Variants in CREB5 observed in about 807,000 individuals in gnomAD.
CREB5 encodes cAMP responsive element binding protein 5, also known as cyclic AMP-responsive element-binding protein 5.
A neutral mutation model predicts 57.1 loss-of-function variants in CREB5; 19 were observed. The ratio of observed to expected loss-of-function variants is 0.33; its 90% CI spans 0.23 to 0.49. The LOEUF is 0.49. Ranked by LOEUF, CREB5 falls within the 20% of genes least tolerant of loss-of-function variation. The pLI, the probability that CREB5 is intolerant of heterozygous loss-of-function variation, is 0.99. For synonymous variants in CREB5, 238 were observed against 238.3 expected, an observed-to-expected ratio of 1.00 and a Z score of 0.01; for missense variants, 579 against 671.6, an observed-to-expected ratio of 0.86 and a Z score of 1.52.
intron 5 of CREB5, among the ~76,000 whole-genome samples, chr7:28,682,644 A>G (rs1943168938): frequency 1.4e-5 from 2 of 147,064 alleles, no homozygotes; most frequent in African/African-American, 2.6e-5. Flanking sequence ...AGAAGATGAT[A>G]TACTTTTCCT....
intron 5 of CREB5, among the ~76,000 whole-genome samples, chr7:28,598,440 T>C (rs1796773562): frequency 6.6e-6 from 1 of 152,154 alleles, no homozygotes; most frequent in Admixed American, 6.6e-5. Flanking sequence ...GGAGGGTCTT[T>C]TGTGTGTGGT....
chr7:28,367,058 A>C (rs1274319021), intron 1 of CREB5, among the ~76,000 whole-genome samples: 9 of 152,146 alleles, frequency 5.9e-5, no homozygotes, highest in Admixed American at 5.9e-4. Flanking sequence ...AATTTTCGGC[A>C]TACTCTTAAG....
At chr7:28,581,057 T>C (rs1396148739) in intron 5 of CREB5, among the ~76,000 whole-genome samples, 1 of 152,120 alleles carries the variant, frequency 6.6e-6, no homozygotes, top group Admixed American at 6.5e-5. Flanking sequence ...GAAAAATGAA[T>C]AACAAGATGG....
rs1793289430 is a variant in CREB5 at position 28,523,285 on chromosome 7, T to C, written c.291+15548T>C. On this transcript the variant is annotated intron_variant, in intron 4 of 10. Transcript: ENST00000357727. ...TGTATTAATTTGTTTAAATGTTGGC[T>C]CTTAAAGGAAACTGCCACACACCCT... 3.9e-5 allele frequency among the ~76,000 whole-genome samples: 6 copies of C among 152,268 alleles called. No homozygotes were observed. In the South Asian group the frequency reaches 1.2e-3, roughly 32 times the overall value.
intron 6 of CREB5, among the ~76,000 whole-genome samples, chr7:28,721,592 A>T (rs576205075): frequency 6.6e-6 from 1 of 152,310 alleles, no homozygotes; most frequent in African/African-American, 2.4e-5. Context: ...CTGATTTGTA[A>T]TGCATGCTGC....
chr7:28,437,058 G>A (rs1562715350), intron 1 of CREB5, among the ~76,000 whole-genome samples: 1 of 152,124 alleles, frequency 6.6e-6, no homozygotes, highest in Non-Finnish European at 1.5e-5. Flanking sequence ...CACTTTGACT[G>A]CATCCCTTAG....
chr7:28,751,630 C>T (rs912580762), intron 7 of CREB5, among the ~76,000 whole-genome samples: 1 of 152,132 alleles, frequency 6.6e-6, no homozygotes, highest in Admixed American at 6.5e-5. Flanking sequence ...CAATTTTAAA[C>T]TAATGGAAAA....
intron 1 of CREB5, among the ~76,000 whole-genome samples, chr7:28,309,998 G>A (rs1224161945): frequency 6.6e-6 from 1 of 152,210 alleles, no homozygotes; most frequent in Non-Finnish European, 1.5e-5. Flanking sequence ...CTTTCTACTG[G>A]AGGAGGGATG....
At chr7:28,502,698 A>G (rs1246503068) in intron 3 of CREB5, among the ~76,000 whole-genome samples, 1 of 152,222 alleles carries the variant, frequency 6.6e-6, no homozygotes, top group East Asian at 1.9e-4. Context: ...TTATTTTCAC[A>G]GTCCTTTAGT....
rs796436067 is a variant in CREB5, at chr7:28,518,913, A to T, written c.291+11176A>T. On this transcript the variant is annotated intron_variant, in intron 4 of 10. Transcript: ENST00000357727. ...CATGACTTTATTTTCTCACTGGTAA[A>T]ATGGGCCTTTTGACAACTTTGAAGT... 6.6e-5 allele frequency among the ~76,000 whole-genome samples: 10 copies of T among 152,290 alleles called. 1 individual carries two copies. The highest frequency in any genetic ancestry group is 2.4e-4 in the African/African-American group (10 of 41,558).
chr7:28,604,060 T>C (rs1412935127), intron 5 of CREB5, among the ~76,000 whole-genome samples: 1 of 152,184 alleles, frequency 6.6e-6, no homozygotes, highest in Non-Finnish European at 1.5e-5. Context: ...CATGTGCATC[T>C]TCTAGTTTTT....
chr7:28,781,628 CAAG>C (rs1806977539), intron 7 of CREB5, among the ~76,000 whole-genome samples: 1 of 152,154 alleles, frequency 6.6e-6, no homozygotes. Flanking sequence ...CCATGCTAGA[CAAG>C]AATATTTCTC....
At chr7:28,619,445 G>A (rs1797713991) in intron 5 of CREB5, among the ~76,000 whole-genome samples, 2 of 152,170 alleles carry the variant, frequency 1.3e-5, no homozygotes, top group South Asian at 4.1e-4. Flanking sequence ...GACTTTGAGA[G>A]CGCTAAAAAG....
intron 1 of CREB5, among the ~76,000 whole-genome samples, chr7:28,435,943 G>T (rs947419495): frequency 3.9e-5 from 6 of 152,120 alleles, no homozygotes; most frequent in Non-Finnish European, 8.8e-5. Flanking sequence ...TTGAGGAAGC[G>T]ACCTGGGTGT....
At chr7:28,545,913 C>T (rs554583528) in intron 4 of CREB5, among the ~76,000 whole-genome samples, 4 of 152,294 alleles carry the variant, frequency 2.6e-5, no homozygotes, top group African/African-American at 7.2e-5. Context: ...TTGCACACTT[C>T]TTCATTGCTT....
chr7:28,416,972 G>A (rs990294273), intron 1 of CREB5, among the ~76,000 whole-genome samples: 1 of 152,126 alleles, frequency 6.6e-6, no homozygotes, highest in African/African-American at 2.4e-5. Flanking sequence ...CAAAAGGGGG[G>A]AAGAAGAGTT....
intron 1 of CREB5, among the ~76,000 whole-genome samples, chr7:28,430,398 A>T (rs1788668019): frequency 6.6e-6 from 1 of 152,186 alleles, no homozygotes; most frequent in Admixed American, 6.5e-5. Flanking sequence ...AAACCTGATG[A>T]GTCTCAATCT....
At chr7:28,458,130 G>A (rs1790195932) in intron 1 of CREB5, among the ~76,000 whole-genome samples, 1 of 152,186 alleles carries the variant, frequency 6.6e-6, no homozygotes, top group Admixed American at 6.5e-5. Context: ...GAGAGTTGGT[G>A]ACAGACTTCG....
intron 7 of CREB5, among the ~76,000 whole-genome samples, chr7:28,741,138 C>T (rs550542244): frequency 9.1e-4 from 139 of 152,060 alleles, no homozygotes; most frequent in African/African-American, 3.3e-3. Flanking sequence ...GGTAGATCTT[C>T]CACAAACACT....
Sources: gnomAD v4.1 joint callset for allele counts (sites outside exome capture counted in the v4.1 genomes callset) on GRCh38, gnomAD v4.1.1 for gene constraint, MANE v1.5 for transcripts, NCBI Gene and HGNC (gene_info 2026-07-23, HGNC 2026-07-21) for gene names.